The following ARPC1A variants were observed in gnomAD, a reference collection of about 807,000 sequenced individuals.
ARPC1A encodes the protein actin related protein 2/3 complex subunit 1A.
Under a neutral mutation model 46.9 loss-of-function variants are expected in ARPC1A, and 8 were observed. The observed-to-expected ratio is 0.17, with a 90% CI of 0.10 to 0.31. ARPC1A has a LOEUF of 0.31. ARPC1A is among the 10% of genes least tolerant of loss of function. The probability of loss-of-function intolerance (pLI) is 1.00; values close to 1 mark genes in which losing one functional copy is unlikely to be tolerated. For missense variants in ARPC1A, 286 were observed against 483.6 expected (o/e 0.59, Z 3.83); for synonymous variants, 152 against 169.0 (o/e 0.90, Z 0.78).
Position 99,359,758 on chromosome 7 carries a change from A to G in ARPC1A, c.983+20A>G, listed in dbSNP as rs1376259537. ...CATCACGTAGGTGCCGTCTGTAGAGAGGTGGTCAGGTGACAAGGTGCCTTC... is the reference window on the plus strand; with the variant it reads ...CATCACGTAGGTGCCGTCTGTAGAGGGGTGGTCAGGTGACAAGGTGCCTTC... On this transcript the variant is annotated intron_variant, in intron 8 of 9. Coordinates refer to ENST00000262942, the MANE Select transcript of ARPC1A (RefSeq NM_006409.4). The G allele has an allele frequency of 6.2e-7, 1 of 1,613,504 alleles. No individual in the cohort carries two copies. The highest frequency in any genetic ancestry group is 8.5e-7 in the Non-Finnish European group (1 of 1,179,672).
chr7:99,331,564 C>G (rs1009306155), intron 1 of ARPC1A, among the ~76,000 whole-genome samples: 1 of 152,196 alleles, frequency 6.6e-6, no homozygotes, highest in Non-Finnish European at 1.5e-5. Context: ...TATGTAATAT[C>G]TAGTTTAAAT....
chr7:99,340,555 A>G (rs1017521070), intron 3 of ARPC1A, among the ~76,000 whole-genome samples: 2 of 151,986 alleles, frequency 1.3e-5, no homozygotes, highest in African/African-American at 4.8e-5. Flanking sequence ...TGATCCTCCC[A>G]TCTCAGCCTC....
chr7:99,363,735 C>T, intron 9 of ARPC1A, 102 bp downstream of exon 9: 3 of 837,148 alleles, frequency 3.6e-6, no homozygotes, highest in Non-Finnish European at 3.6e-6. Flanking sequence ...GAGTAAGTGG[C>T]ACAATCATGG....
At chr7:99,363,809 G>C (rs1257808021) in intron 9 of ARPC1A, among the ~76,000 whole-genome samples, 176 bp downstream of exon 9, 3 of 151,842 alleles carry the variant, frequency 2.0e-5, no homozygotes, top group African/African-American at 7.3e-5. Context: ...CAAGCTGCTG[G>C]GACAGCAGGC....
intron 9 of ARPC1A, among the ~76,000 whole-genome samples, chr7:99,365,113 G>T (rs1175112671): frequency 1.3e-5 from 2 of 152,162 alleles, no homozygotes; most frequent in Non-Finnish European, 2.9e-5. Context: ...CTGAGGCGCT[G>T]CCCGTGCTGT....
intron 2 of ARPC1A, among the ~76,000 whole-genome samples, chr7:99,334,093 G>A (rs1368977545): frequency 6.6e-6 from 1 of 151,466 alleles, no homozygotes; most frequent in Non-Finnish European, 1.5e-5. Context: ...GAGCATGGAG[G>A]CTCATGTCTG....
chr7:99,350,168 C>T (rs112914630), intron 5 of ARPC1A, among the ~76,000 whole-genome samples: 87 of 152,244 alleles, frequency 5.7e-4, no homozygotes, highest in African/African-American at 2.0e-3. Context: ...GTGGGGCCAG[C>T]GAAGATTTCC....
intron 5 of ARPC1A, among the ~76,000 whole-genome samples, chr7:99,350,023 AAAAC>A (rs1793522318): frequency 1.3e-5 from 2 of 152,172 alleles, no homozygotes; most frequent in Non-Finnish European, 2.9e-5. Context: ...AAAACAAACA[AAAAC>A]AAAACAAAAA....
At chr7:99,329,549 G>A (rs1461482778) in intron 1 of ARPC1A, among the ~76,000 whole-genome samples, 2 of 152,212 alleles carry the variant, frequency 1.3e-5, no homozygotes, top group African/African-American at 4.8e-5. Context: ...TTTGCTAGGT[G>A]CATTCTAAAT....
chr7:99,343,479 G>GAAAGA lies in ARPC1A; in HGVS notation c.170-800_170-796dup, dbSNP rs766800401. On this transcript the variant is annotated intron_variant, in intron 3 of 9. Coordinates refer to ENST00000262942, the MANE Select transcript of ARPC1A (RefSeq NM_006409.4). ...GAAACTCCATCTCAAAAAAAAAAAA[G>GAAAGA]AAAGAAAAGAAAAGAAAATACCTCA... 2.0e-4 allele frequency among the ~76,000 whole-genome samples: 30 copies of GAAAGA among 149,872 alleles called. No homozygotes were observed. The East Asian group carries it at 5.3e-3, about 26-fold the overall frequency.
intron 4 of ARPC1A, among the ~76,000 whole-genome samples, chr7:99,347,492 A>G (rs1380810657): frequency 6.6e-6 from 1 of 151,958 alleles, no homozygotes; most frequent in Non-Finnish European, 1.5e-5. Context: ...ATCACCTGAG[A>G]CCAGGAGTTT....
intron 2 of ARPC1A, among the ~76,000 whole-genome samples, chr7:99,334,111 A>G (rs1793200407): frequency 6.6e-6 from 1 of 150,736 alleles, no homozygotes; most frequent in South Asian, 2.1e-4. Context: ...CTGTAATCCC[A>G]GCACTTTGGG....
In ARPC1A at chr7:99,359,907, C is replaced by G. The variant is rs894542091; in HGVS notation, c.983+169C>G. On this transcript the variant is annotated intron_variant, in intron 8 of 9. Transcript: ENST00000262942. ...TTCCCGACCGCCAGGCTCTCATTTC[C>G]AGCTCGTGGTAGGGAGGGAGTCGCC... is the stretch of plus-strand genomic sequence containing the variant. The G allele has an allele frequency of 1.6e-5, 13 of 803,362 alleles. No individual in the cohort carries two copies. The African/African-American group carries it at 2.1e-4, about 13-fold the overall frequency. The allele number at this position is 803,362 out of a possible 1,614,324, so 49.8% of individuals were successfully genotyped here. A position where few individuals can be genotyped will look rare whatever the true frequency, so the allele number is the denominator to read the frequency against.
chr7:99,341,705 C>T (rs1793359884), intron 3 of ARPC1A, among the ~76,000 whole-genome samples: 1 of 151,866 alleles, frequency 6.6e-6, no homozygotes, highest in Non-Finnish European at 1.5e-5. Context: ...AAAGAAATCG[C>T]CAAAAATGTG....
chr7:99,346,795 T>C (rs901897271), intron 4 of ARPC1A, among the ~76,000 whole-genome samples: 3 of 152,078 alleles, frequency 2.0e-5, no homozygotes, highest in African/African-American at 7.2e-5. Flanking sequence ...CTGGCCAACA[T>C]GGAGAAACCC....
intron 6 of ARPC1A, among the ~76,000 whole-genome samples, chr7:99,358,033 G>A (rs1562802649): frequency 6.6e-6 from 1 of 152,190 alleles, no homozygotes; most frequent in Non-Finnish European, 1.5e-5. Flanking sequence ...CCGGGAAAGT[G>A]GACCGTGGGA....
At chr7:99,335,080 G>A (rs1166517094) in intron 2 of ARPC1A, among the ~76,000 whole-genome samples, 8 of 152,056 alleles carry the variant, frequency 5.3e-5, no homozygotes, top group Non-Finnish European at 1.5e-5. Flanking sequence ...TCCTGACCTC[G>A]TGATCTGCCC....
intron 4 of ARPC1A, among the ~76,000 whole-genome samples, chr7:99,348,516 G>A (rs1361889725): frequency 6.6e-6 from 1 of 152,124 alleles, no homozygotes; most frequent in Non-Finnish European, 1.5e-5. Flanking sequence ...AGACCAGCCT[G>A]GGCAACATGG....
rs1019311519 is a variant in ARPC1A at position 99,364,474 on chromosome 7, G to A, written c.1074+841G>A. Among the ~76,000 whole-genome samples, 6 of 151,642 alleles carry A rather than the reference G, an allele frequency of 4.0e-5. No individual in the cohort carries two copies. The East Asian group carries it at 7.8e-4, about 20-fold the overall frequency. ...TTTAGTAGAGATGGGGTTTCTCCACGTTGGACATGCTGGTCTCGAACTCCC... is the reference window on the plus strand; with the variant it reads ...TTTAGTAGAGATGGGGTTTCTCCACATTGGACATGCTGGTCTCGAACTCCC... On this transcript the variant is annotated intron_variant, in intron 9 of 9. Coordinates refer to ENST00000262942, the MANE Select transcript of ARPC1A (RefSeq NM_006409.4).
Sources: gnomAD v4.1 joint callset for allele counts (sites outside exome capture counted in the v4.1 genomes callset) on GRCh38, gnomAD v4.1.1 for gene constraint, MANE v1.5 for transcripts, NCBI Gene and HGNC (gene_info 2026-07-23, HGNC 2026-07-21) for gene names.